The following EML1 variants were observed in gnomAD, a reference collection of about 807,000 sequenced individuals.
EML1 encodes the protein echinoderm microtubule-associated protein-like 1.
In EML1, 27 loss-of-function variants were observed where a neutral mutation model predicts 110.4. The ratio of observed to expected loss-of-function variants is 0.24; its 90% CI spans 0.18 to 0.34. The LOEUF is 0.34. EML1 is among the 10% of genes least tolerant of loss of function. The pLI is 1.00. For synonymous variants in EML1, 344 were observed against 385.8 expected (o/e 0.89, Z 1.27); for missense variants, 741 against 1,030.9 (o/e 0.72, Z 3.85).
chr14:99,847,184 T>C (rs1339328310), intron 1 of EML1, among the ~76,000 whole-genome samples: 1 of 152,244 alleles, frequency 6.6e-6, no homozygotes, highest in Non-Finnish European at 1.5e-5. Flanking sequence ...TCAGAGAACA[T>C]ACTCTTCCCA....
At chr14:99,915,861 C>G (rs1006641187) in intron 15 of EML1, among the ~76,000 whole-genome samples, 1 of 152,200 alleles carries the variant, frequency 6.6e-6, no homozygotes, top group African/African-American at 2.4e-5. Flanking sequence ...CTTTCATCCC[C>G]CATAGAGTTA....
intron 3 of EML1, among the ~76,000 whole-genome samples, chr14:99,872,507 C>T (rs145514915): frequency 4.9e-4 from 74 of 152,278 alleles, no homozygotes; most frequent in African/African-American, 1.7e-3. Flanking sequence ...CTATTGTCAG[C>T]ATATAGCTGC....
At chr14:99,852,691 T>G (rs955493026) in intron 2 of EML1, among the ~76,000 whole-genome samples, 4 of 152,146 alleles carry the variant, frequency 2.6e-5, no homozygotes, top group Admixed American at 2.0e-4. Context: ...TTCCTTAGAG[T>G]TGGGAGGGAG....
At chr14:99,761,881 C>G (rs1446255696) in intron 1 of EML1, among the ~76,000 whole-genome samples, 1 of 148,738 alleles carries the variant, frequency 6.7e-6, no homozygotes. Flanking sequence ...GCTGAGATCA[C>G]GCCACTGCAC....
intron 1 of EML1, among the ~76,000 whole-genome samples, chr14:99,748,884 G>T (rs1362128253): frequency 6.6e-6 from 1 of 152,144 alleles, no homozygotes; most frequent in East Asian, 1.9e-4. Context: ...TGCGTATTCT[G>T]CATTTTTCAT....
chr14:99,794,012 A>G (rs1180744853), intron 1 of EML1, among the ~76,000 whole-genome samples: 1 of 152,240 alleles, frequency 6.6e-6, no homozygotes, highest in African/African-American at 2.4e-5. Flanking sequence ...TTGGACCCCC[A>G]GAACCCATTC....
At chr14:99,801,037 T>C (rs1232320985) in intron 1 of EML1, among the ~76,000 whole-genome samples, 1 of 152,180 alleles carries the variant, frequency 6.6e-6, no homozygotes, top group African/African-American at 2.4e-5. Flanking sequence ...GCCAGATCCA[T>C]GCATTTATCA....
In EML1 at chr14:99,891,302, C is replaced by G. The variant is rs921935950; in HGVS notation, c.547+75C>G. ...AACTCAAGGGACAGAAAAGAAGTAGCCAGCTTCAGGGGCCAGCCTTGGACA... is the reference window on the plus strand; with the variant it reads ...AACTCAAGGGACAGAAAAGAAGTAGGCAGCTTCAGGGGCCAGCCTTGGACA... On this transcript the variant is annotated intron_variant, in intron 5 of 21. Transcript: ENST00000262233. 12 of 1,592,038 alleles carry G rather than the reference C, an allele frequency of 7.5e-6. No individual in the cohort carries two copies. In the Admixed American group the frequency reaches 2.0e-4, roughly 27 times the overall value.
chr14:99,799,378 C>T (rs777673897), intron 1 of EML1, among the ~76,000 whole-genome samples: 11 of 152,124 alleles, frequency 7.2e-5, no homozygotes, highest in African/African-American at 2.2e-4. Context: ...GTTGACACCT[C>T]GATGGTTATA....
At chr14:99,901,794 C>T (rs1045405597) in intron 9 of EML1, among the ~76,000 whole-genome samples, 9 of 152,150 alleles carry the variant, frequency 5.9e-5, no homozygotes, top group African/African-American at 2.2e-4. Context: ...GTTTTTATGA[C>T]CTGTACCTTG....
At chr14:99,817,458 C>CGT (rs1266801240) in intron 1 of EML1, among the ~76,000 whole-genome samples, 1 of 152,226 alleles carries the variant, frequency 6.6e-6, no homozygotes, top group African/African-American at 2.4e-5. Flanking sequence ...AGCACAGCGA[C>CGT]GTGGTGCCTG....
At chr14:99,742,110 A>C (rs2057050236) in intron 1 of EML1, among the ~76,000 whole-genome samples, 1 of 152,118 alleles carries the variant, frequency 6.6e-6, no homozygotes, top group Admixed American at 6.5e-5. Flanking sequence ...GAGTTCTGAC[A>C]TCAAGTACCC....
intron 20 of EML1, among the ~76,000 whole-genome samples, chr14:99,938,485 A>G (rs538687636): frequency 3.2e-4 from 49 of 152,336 alleles, no homozygotes; most frequent in African/African-American, 1.2e-3. Context: ...CGAAAACCCA[A>G]CGTGCATCCA....
In EML1 at chr14:99,939,149, C is replaced by T; in HGVS notation, c.2192-48C>T. ...TGGGCGCTTCCTGCGCCATGTGGCC[C>T]TGTGGCCCCTGGTGTTTCCAGCGCC... On this transcript the variant is annotated intron_variant, in intron 20 of 21. Transcript: ENST00000262233. The surrounding 1 kb of genome is among the most constrained non-coding windows in gnomAD (Gnocchi z 4.2). 1 of 1,605,820 alleles carries T rather than the reference C, an allele frequency of 6.2e-7. No homozygotes were observed. Among genetic ancestry groups the T allele is most frequent in the South Asian group, 1.1e-5 (1 of 90,134 alleles).
At chr14:99,865,836 T>C (rs1484402834) in intron 3 of EML1, among the ~76,000 whole-genome samples, 190 bp downstream of exon 3, 1 of 152,260 alleles carries the variant, frequency 6.6e-6, no homozygotes, top group Non-Finnish European at 1.5e-5. Flanking sequence ...TTAGATTTAC[T>C]TGTGTTGCCT....
intron 1 of EML1, among the ~76,000 whole-genome samples, chr14:99,816,709 C>T (rs1288147780): frequency 6.6e-6 from 1 of 152,232 alleles, no homozygotes; most frequent in African/African-American, 2.4e-5. Context: ...GCTGTCACAT[C>T]CAAGTGTAAG....
Position 99,941,061 on chromosome 14 carries a change from G to C in EML1, c.*949G>C, listed in dbSNP as rs888131785. On this transcript the variant is annotated 3_prime_UTR_variant, in exon 22 of 22. Coordinates refer to ENST00000262233, the MANE Select transcript of EML1 (RefSeq NM_004434.3). Reference sequence around the variant, plus strand: ...CTCGAGCGTACCATAAACCTGCAGAGAGAAGTCTCGAAAGGCTCCACCAGG... The same window carrying C: ...CTCGAGCGTACCATAAACCTGCAGACAGAAGTCTCGAAAGGCTCCACCAGG... 2.6e-5 allele frequency: 4 copies of C among 152,178 alleles called. No individual in the cohort carries two copies. The highest frequency in any genetic ancestry group is 6.5e-5 in the Admixed American group (1 of 15,274). 9.4% of individuals were successfully genotyped at this position (152,178 alleles called of 1,614,324 possible). A position where few individuals can be genotyped will look rare whatever the true frequency, so the allele number is the denominator to read the frequency against.
At chr14:99,904,821 T>C (rs72710046) in intron 9 of EML1, among the ~76,000 whole-genome samples, 40,056 of 152,146 alleles carry the variant, frequency 0.26, 5,873 homozygotes, top group Non-Finnish European at 0.33. Flanking sequence ...CTGACCAGTT[T>C]GCTGTGCTAC....
chr14:99,894,201 TTAAA>T (rs2059634818), intron 5 of EML1, among the ~76,000 whole-genome samples: 1 of 152,254 alleles, frequency 6.6e-6, no homozygotes, highest in Non-Finnish European at 1.5e-5. Flanking sequence ...ACAAATCCAT[TTAAA>T]TATTGAAAAA....
Sources: gnomAD v4.1 joint callset for allele counts (sites outside exome capture counted in the v4.1 genomes callset) on GRCh38, gnomAD v4.1.1 for gene constraint, Gnocchi (gnomAD v3.1) non-coding constraint, MANE v1.5 for transcripts, NCBI Gene and HGNC (gene_info 2026-07-23, HGNC 2026-07-21) for gene names.